The following FLG variants were observed in gnomAD, a reference collection of about 807,000 sequenced individuals.
The protein encoded by FLG is filaggrin, also known as epidermal filaggrin.
In FLG, 6 loss-of-function variants were observed where a neutral mutation model predicts 3.8. The observed-to-expected ratio is 1.60, with a 90% confidence interval of 0.87 to 3.15. The LOEUF (loss-of-function observed/expected upper bound fraction) is 3.15, where lower values mean the gene tolerates loss of function less well. FLG is among the 30% of genes most tolerant of loss of function. The pLI is 0.00. For missense variants in FLG, 7,595 were observed against 5,050.9 expected (o/e 1.50, Z -15.27); for synonymous variants, 2,551 against 1,931.6 (o/e 1.32, Z -8.41).
In FLG at chr1:152,309,166, C is replaced by T. The variant is rs1468087323; in HGVS notation, c.5720G>A (p.Gly1907Glu). Residue 1907 changes from glycine (G) to glutamate (E), a missense_variant, in exon 3 of 3, where the codon GGG becomes GAG. Coordinates refer to ENST00000368799, the MANE Select transcript of FLG (RefSeq NM_002016.2). ...TCCCTGGTTCCTGCTTGTCCTGGGC[C>T]CTGATGATTGTCCCTGGCCCACCTG... ...HSQVGQGQSS[G>E]PRTSRNQGSS... 3.1e-6 allele frequency: 5 copies of T among 1,613,416 alleles called. No homozygotes were observed. The highest frequency in any genetic ancestry group is 2.2e-5 in the East Asian group (1 of 44,808).
At position 152,308,846 on chromosome 1, in the gene FLG, C is replaced by A; in HGVS notation, c.6040G>T (p.Ala2014Ser). 6.2e-7 allele frequency: 1 copy of A among 1,614,190 alleles called. No homozygotes were observed. Among genetic ancestry groups the A allele is most frequent in the Non-Finnish European group, 8.5e-7 (1 of 1,180,026 alleles). ...RHGSHHQLQS[A>S]DSSRHSGIGH... ...ATGCCTGAGTGTCTGGAGCTGTCTG[C>A]TGACTGGAGCTGGTGGTGGGATCCA... is the stretch of plus-strand genomic sequence containing the variant. The change falls in exon 3 of 3, where the codon GCA (alanine) becomes TCA (serine). Residue 2014 changes from alanine to serine, a missense_variant. By Grantham distance (99) the Ala-to-Ser change is moderately conservative. Transcript: ENST00000368799.
In FLG at chr1:152,313,800, C is replaced by G; in HGVS notation, c.1086G>C (p.Glu362Asp). The G allele has an allele frequency of 1.2e-6, 2 of 1,614,096 alleles. No individual in the cohort carries two copies. Among genetic ancestry groups the G allele is most frequent in the South Asian group, 1.1e-5 (1 of 91,078 alleles). ...SSRQSGTRHAETSSRGQTASS... is the reference protein window; with the variant it reads ...SSRQSGTRHADTSSRGQTASS... ...ATGCAGTCTGTCCACGAGAGGAAGTCTCTGCGTGACGAGTGCCTGATTGTC... is the reference window on the plus strand; with the variant it reads ...ATGCAGTCTGTCCACGAGAGGAAGTGTCTGCGTGACGAGTGCCTGATTGTC... Residue 362 changes from glutamate to aspartate, a missense_variant, in exon 3 of 3, where the codon GAG becomes GAC. Coordinates refer to ENST00000368799, the MANE Select transcript of FLG (RefSeq NM_002016.2).
rs767668689 is a variant in FLG, at chr1:152,306,135, T to A, written c.8751A>T (p.Gly2917=). 12 of 1,600,264 alleles carry A rather than the reference T, an allele frequency of 7.5e-6. No homozygotes were observed. Among genetic ancestry groups the A allele is most frequent in the Non-Finnish European group, 1.0e-5 (12 of 1,179,998 alleles). ...CATCTCTTAGCTGCTCCTGAGCAGA[T>A]CCATGATGGTTTCTGGAAGCAGACC... ...WSGSASRNHH[G]SAQEQLRDGS... The change falls in exon 3 of 3, where the codon GGA becomes GGT. Residue 2917 remains glycine (G), a synonymous_variant. Transcript: ENST00000368799.
In FLG at chr1:152,311,346, G is replaced by C. The variant is rs780762559; in HGVS notation, c.3540C>G (p.His1180Gln). ...CAGATCTATCTACCGATTGCTCATG[G>C]TGGGATCCCTGCCTTCCTCCTCTCC... ...GSRRGGRQGS[H>Q]HEQSVDRSGH... Residue 1180 changes from histidine to glutamine, a missense_variant, in exon 3 of 3, where the codon CAC becomes CAG. His to Gln is a conservative substitution (Grantham distance 24, BLOSUM62 0). Transcript: ENST00000368799. 1 of 1,613,620 alleles carries C rather than the reference G, an allele frequency of 6.2e-7. No homozygotes were observed. The highest frequency in any genetic ancestry group is 1.7e-5 in the Admixed American group (1 of 59,958).
rs770599194 is a variant in FLG at position 152,310,821 on chromosome 1, T to C, written c.4065A>G (p.Glu1355=). 22 of 1,611,868 alleles carry C rather than the reference T, an allele frequency of 1.4e-5. No homozygotes were observed. Among genetic ancestry groups the C allele is most frequent in the Non-Finnish European group, 1.7e-5 (20 of 1,179,126 alleles). The change falls in exon 3 of 3, where the codon GAA becomes GAG. Residue 1355 remains glutamate, a synonymous_variant. Coordinates refer to ENST00000368799, the MANE Select transcript of FLG (RefSeq NM_002016.2). ...ACTGCTGGTGGCGGGATCCATGTCT[T>C]TCTCCTGGACTTGATCTTGCCTGTT... The part of the protein sequence containing the change: ...SHEQARSSPG[E]RHGSRHQQSA...
chr1:152,315,116 A>AT (rs1404874885), intron 2 of FLG, among the ~76,000 whole-genome samples: 12 of 152,158 alleles, frequency 7.9e-5, no homozygotes, highest in South Asian at 2.1e-4. Context: ...AAATATTTAT[A>AT]TTTTTTTCTC....
chr1:152,324,148 C>T (rs543186127), intron 1 of FLG, among the ~76,000 whole-genome samples: 5 of 151,906 alleles, frequency 3.3e-5, no homozygotes, highest in South Asian at 2.1e-4. Context: ...TCATCTTTCA[C>T]ATAAAAGAAT....
intron 1 of FLG, among the ~76,000 whole-genome samples, chr1:152,319,051 A>G (rs1473105104): frequency 6.6e-6 from 1 of 151,732 alleles, no homozygotes; most frequent in Non-Finnish European, 1.5e-5. Context: ...TCAGCTTGTC[A>G]TGTTAGAGAT....
intron 1 of FLG, among the ~76,000 whole-genome samples, chr1:152,322,884 C>A (rs888673702): frequency 1.3e-5 from 2 of 150,952 alleles, no homozygotes; most frequent in South Asian, 4.1e-4. Flanking sequence ...AAGGTGATTT[C>A]TAAAATTTAT....
intron 2 of FLG, 85 bp from the exon 3 acceptor site, chr1:152,314,832 C>T: frequency 1.1e-5 from 17 of 1,559,532 alleles, no homozygotes; most frequent in South Asian, 5.9e-5. Context: ...TTTAAGGAAC[C>T]TGATCTTTGA....
rs765461482 is a variant in FLG at position 152,308,687 on chromosome 1, G to C, written c.6199C>G (p.Pro2067Ala). The C allele has an allele frequency of 1.2e-6, 2 of 1,614,142 alleles. No individual in the cohort carries two copies. Among genetic ancestry groups the C allele is most frequent in the East Asian group, 2.2e-5 (1 of 44,880 alleles). Residue 2067 changes from proline (P) to alanine (A), a missense_variant, in exon 3 of 3, where the codon CCC (proline) becomes GCC (alanine). Coordinates refer to ENST00000368799, the MANE Select transcript of FLG (RefSeq NM_002016.2). ...QSVSAQGKAG[P>A]HQQSHKESAR... The stretch of plus-strand genomic sequence containing the variant: ...GACTCTTTGTGGCTCTGCTGATGGG[G>C]CCCAGCTTTTCCCTGTGCTGACACT...
chr1:152,312,063 G>A lies in FLG; in HGVS notation c.2823C>T (p.Arg941=), dbSNP rs1243858779. The A allele has an allele frequency of 1.2e-5, 20 of 1,613,952 alleles. No individual in the cohort carries two copies. Among genetic ancestry groups the A allele is most frequent in the Non-Finnish European group, 1.7e-5 (20 of 1,179,992 alleles). Residue 941 remains arginine, a synonymous_variant, in exon 3 of 3, where the codon CGC becomes CGT. Transcript: ENST00000368799. ...GQSEGSRTSR[R]QGSSVSQDSD... Reference sequence around the variant, plus strand: ...TGTCCTGGCTAACACTGGATCCCTGGCGCCTGCTTGTCCTGGACCCCTCTG... The same window carrying A: ...TGTCCTGGCTAACACTGGATCCCTGACGCCTGCTTGTCCTGGACCCCTCTG...
chr1:152,307,111 T>A lies in FLG; in HGVS notation c.7775A>T (p.His2592Leu), dbSNP rs541398939. ...RWSGSASRNH[H>L]GSAQEQLRDG... ...TCTTAGCTGCTCCTGAGCAGATCCA[T>A]GATGGTTTCTGGAAGCAGACCCAGA... The change falls in exon 3 of 3, where the codon CAT (histidine) becomes CTT (leucine). Residue 2592 changes from histidine to leucine, a missense_variant. His to Leu is a moderately conservative substitution (Grantham distance 99). Coordinates refer to ENST00000368799, the MANE Select transcript of FLG (RefSeq NM_002016.2). 1.7e-5 allele frequency: 28 copies of A among 1,611,338 alleles called. No individual in the cohort carries two copies. The highest frequency in any genetic ancestry group is 2.2e-5 in the South Asian group (2 of 90,996).
At position 152,315,413 on chromosome 1, in the gene FLG, A is replaced by G. The variant is rs1487842274; in HGVS notation, c.44T>C (p.Phe15Ser). Residue 15 changes from phenylalanine to serine, a missense_variant, in exon 2 of 3, where the codon TTC (phenylalanine) becomes TCC (serine). Transcript: ENST00000368799. ...LENIFAIINL[F>S]KQYSKKDKNT... ...TTTATCTTTTTTTGAATATTGCTTG[A>G]AAAGATTAATTATGGCAAAGATGTT... is the stretch of plus-strand genomic sequence containing the variant. 3 of 1,612,168 alleles carry G rather than the reference A, an allele frequency of 1.9e-6. No individual in the cohort carries two copies. In the South Asian group the frequency reaches 3.3e-5, roughly 18 times the overall value.
rs1652596745 is a variant in FLG at position 152,313,358 on chromosome 1, G to C, written c.1528C>G (p.Gln510Glu). ...CCACGAATGGTGTCCTGACCCTCTT[G>C]GGACGCTGAATGCCTGGAGCTGTCT... is the stretch of plus-strand genomic sequence containing the variant. ...ARDSSRHSAS[Q>E]EGQDTIRGHP... Residue 510 changes from glutamine (Q) to glutamate (E), a missense_variant, in exon 3 of 3, where the codon CAA becomes GAA. Gln to Glu is a conservative substitution (Grantham distance 29). Transcript: ENST00000368799. The C allele has an allele frequency of 6.2e-7, 1 of 1,613,464 alleles. No individual in the cohort carries two copies. The highest frequency in any genetic ancestry group is 1.7e-5 in the Admixed American group (1 of 59,984).
rs531176894 is a variant in FLG at position 152,321,354 on chromosome 1, G to C, written c.-22+3835C>G. Among the ~76,000 whole-genome samples the C allele has an allele frequency of 2.6e-5, 4 of 150,990 alleles. No individual in the cohort carries two copies. In the South Asian group the frequency reaches 8.3e-4, roughly 31 times the overall value. On this transcript the variant is annotated intron_variant, in intron 1 of 2. Transcript: ENST00000368799. ...AAAGATAACTAAAATTAATAAAAGA[G>C]AAAGAAAATTTAGAGAACCAACAGT...
In FLG at chr1:152,309,672, T is replaced by C. The variant is rs1175341895; in HGVS notation, c.5214A>G (p.Gly1738=). Residue 1738 remains glycine, a synonymous_variant, in exon 3 of 3, where the codon GGA becomes GGG. Coordinates refer to ENST00000368799, the MANE Select transcript of FLG (RefSeq NM_002016.2). Reference sequence around the variant, plus strand: ...GGCTCTGCTGATGGGGCCCAGCCTGTCCGTGGGCTGACACTGACTGTGTGT... The same window carrying C: ...GGCTCTGCTGATGGGGCCCAGCCTGCCCGTGGGCTGACACTGACTGTGTGT... ...ESDTQSVSAH[G]QAGPHQQSHQ... The C allele has an allele frequency of 1.2e-6, 2 of 1,614,008 alleles. No homozygotes were observed. The highest frequency in any genetic ancestry group is 2.2e-5 in the South Asian group (2 of 91,052).
rs541289309 is a variant in FLG, at chr1:152,308,787, G to C, written c.6099C>G (p.Asp2033Glu). The change falls in exon 3 of 3, where the codon GAC (aspartate) becomes GAG (glutamate). Residue 2033 changes from aspartate to glutamate, a missense_variant. Asp to Glu is a conservative substitution (Grantham distance 45). Coordinates refer to ENST00000368799, the MANE Select transcript of FLG (RefSeq NM_002016.2). ...TACCACTGTACCCTCGGTGTCCACT[G>C]TCTCTGACTGCAGATGAAGCTTGTC... ...GHGQASSAVR[D>E]SGHRGYSGSQ... 5 of 1,614,064 alleles carry C rather than the reference G, an allele frequency of 3.1e-6. No homozygotes were observed. In the African/African-American group the frequency reaches 6.7e-5, roughly 22 times the overall value.
chr1:152,308,391 C>A lies in FLG; in HGVS notation c.6495G>T (p.Gly2165=), dbSNP rs750971384. The A allele has an allele frequency of 1.4e-5, 22 of 1,613,674 alleles. No individual in the cohort carries two copies. The highest frequency in any genetic ancestry group is 1.4e-5 in the Non-Finnish European group (17 of 1,179,888). Residue 2165 remains glycine (G), a synonymous_variant, in exon 3 of 3, where the codon GGG becomes GGT. Transcript: ENST00000368799. ...GGGATGTGGTGTGGCTGTGATGAGA[C>A]CCTGAGTGTCCAGACCTATCTACCG... The part of the protein sequence containing the change: ...EQSVDRSGHS[G]SHHSHTTSQG...
Sources: allele counts gnomAD v4.1 joint callset (sites outside exome capture counted in the v4.1 genomes callset), GRCh38; gene constraint gnomAD v4.1.1; transcripts MANE v1.5; gene names NCBI Gene and HGNC (gene_info 2026-07-23, HGNC 2026-07-21).